The following DIP2A variants were observed in gnomAD, a reference collection of about 807,000 sequenced individuals.
The protein encoded by DIP2A is disco-interacting protein 2 homolog A.
In DIP2A, 85 loss-of-function variants were observed where a neutral mutation model predicts 177.4. The ratio of observed to expected loss-of-function variants is 0.48; its 90% confidence interval spans 0.40 to 0.57. The LOEUF is 0.57. DIP2A is among the 20% of genes least tolerant of loss of function. DIP2A has a pLI of 0.00. For missense variants in DIP2A, 1,791 were observed against 2,100.2 expected (o/e 0.85, Z 2.88); for synonymous variants, 886 against 881.8 (o/e 1.00, Z -0.08).
intron 1 of DIP2A, among the ~76,000 whole-genome samples, chr21:46,481,461 C>A (rs1601422127): frequency 6.6e-6 from 1 of 152,116 alleles, no homozygotes; most frequent in East Asian, 1.9e-4. Flanking sequence ...TTTTACTTCT[C>A]TAGGGTAGAT....
intron 1 of DIP2A, among the ~76,000 whole-genome samples, chr21:46,465,217 A>G (rs532999387): frequency 4.6e-5 from 7 of 151,794 alleles, no homozygotes; most frequent in Non-Finnish European, 8.8e-5. Context: ...ATTTGTTTTC[A>G]CTTATTCAGT....
At chr21:46,507,544 CTGGGCTCTGGGCTCTGTGT>C (rs1161088518) in intron 6 of DIP2A, among the ~76,000 whole-genome samples, 1 of 151,982 alleles carries the variant, frequency 6.6e-6, no homozygotes, top group Non-Finnish European at 1.5e-5. Flanking sequence ...GGGTCTATTT[CTGGGCTCTGGGCTCTGTGT>C]GTTGTTCCGT....
chr21:46,496,945 C>CA (rs777976003), intron 3 of DIP2A, 43 bp from the exon 4 acceptor site: 2 of 1,545,078 alleles, frequency 1.3e-6, no homozygotes. Context: ...ACTTTATAAA[C>CA]AGTCTTGTAA....
intron 18 of DIP2A, among the ~76,000 whole-genome samples, chr21:46,543,550 G>GGCATGCACGCA (rs1555907307): frequency 1.1e-4 from 17 of 149,376 alleles, no homozygotes; most frequent in South Asian, 6.4e-4. Context: ...CGCTCCCCCA[G>GGCATGCACGCA]GCACTCCCCC....
chr21:46,475,560 T>C (rs1335126230), intron 1 of DIP2A, among the ~76,000 whole-genome samples: 1 of 152,278 alleles, frequency 6.6e-6, no homozygotes, highest in Non-Finnish European at 1.5e-5. Flanking sequence ...TGAAAGTCTT[T>C]TAAGAGTTAG....
At chr21:46,527,175 C>T (rs1454621980) in intron 8 of DIP2A, among the ~76,000 whole-genome samples, 2 of 151,796 alleles carry the variant, frequency 1.3e-5, no homozygotes, top group Admixed American at 1.3e-4. Flanking sequence ...TCTGTTGAAC[C>T]TCTTTGCATT....
chr21:46,556,802 C>CA lies in DIP2A; in HGVS notation c.3499-137_3499-136insA, dbSNP rs2060485098. 2.6e-6 allele frequency: 2 copies of CA among 774,970 alleles called. No individual in the cohort carries two copies. 48.0% of individuals were successfully genotyped at this position (774,970 alleles called of 1,614,324 possible). A position where few individuals can be genotyped will look rare whatever the true frequency, so the allele number is the denominator to read the frequency against. On this transcript the variant is annotated intron_variant, in intron 29 of 37. Transcript: ENST00000417564. The surrounding 1 kb of genome is among the most constrained non-coding windows in gnomAD (Gnocchi z 4.5). The stretch of plus-strand genomic sequence containing the variant: ...TTATATGGGGATTTGAGCCAACCGT[C>CA]TTTTAAGGAAATAAATATGATGTTT...
At chr21:46,504,702 G>A (rs1467317821) in intron 6 of DIP2A, among the ~76,000 whole-genome samples, 2 of 152,226 alleles carry the variant, frequency 1.3e-5, no homozygotes, top group African/African-American at 4.8e-5. Context: ...TGGTCAGAGG[G>A]GAAACGAGGA....
chr21:46,475,387 T>C (rs893098676), intron 1 of DIP2A, among the ~76,000 whole-genome samples: 2 of 152,260 alleles, frequency 1.3e-5, no homozygotes, highest in African/African-American at 2.4e-5. Flanking sequence ...GACATTGTTA[T>C]CTACCTGTAT....
At position 46,527,394 on chromosome 21, in the gene DIP2A, C is replaced by G. The variant is rs574110050; in HGVS notation, c.1103-1698C>G. On this transcript the variant is annotated intron_variant, in intron 8 of 37. Coordinates refer to ENST00000417564, the MANE Select transcript of DIP2A (RefSeq NM_015151.4). ...AGGCTAGAGGACAGTGGCACAGTCT[C>G]GTCTCACTGCAACCTCTGCCTCCTG... Among the ~76,000 whole-genome samples, 24 of 137,230 alleles carry G rather than the reference C, an allele frequency of 1.7e-4. No homozygotes were observed. The East Asian group carries it at 2.7e-3, about 15-fold the overall frequency. The allele number at this position is 137,230 out of a possible 152,430, so 90.0% of individuals were successfully genotyped here. A position where few individuals can be genotyped will look rare whatever the true frequency, so the allele number is the denominator to read the frequency against.
the DIP2A span, among the ~76,000 whole-genome samples, chr21:46,581,134 G>A: frequency 6.6e-6 from 1 of 152,054 alleles, no homozygotes; most frequent in South Asian, 2.1e-4. Flanking sequence ...CAGAAGTTTT[G>A]TTCATTCCTT....
chr21:46,573,249 A>C (rs574553082), downstream of DIP2A, among the ~76,000 whole-genome samples: 1 of 152,274 alleles, frequency 6.6e-6, no homozygotes, highest in Non-Finnish European at 1.5e-5. Context: ...TTATCTGTAA[A>C]TAGATTAAAT....
intron 5 of DIP2A, among the ~76,000 whole-genome samples, chr21:46,501,633 G>A (rs2057656554): frequency 6.7e-6 from 1 of 149,688 alleles, no homozygotes; most frequent in Admixed American, 6.6e-5. Context: ...GTGTTGCCCA[G>A]ACTGGGCTTG....
chr21:46,503,199 T>G (rs940290516), intron 5 of DIP2A, among the ~76,000 whole-genome samples: 1 of 151,988 alleles, frequency 6.6e-6, no homozygotes, highest in Non-Finnish European at 1.5e-5. Context: ...GGCACATGCC[T>G]GTAATCCCAG....
chr21:46,509,495 C>G, intron 7 of DIP2A, 119 bp downstream of exon 7: 1 of 1,253,278 alleles, frequency 8.0e-7, no homozygotes, highest in Non-Finnish European at 1.0e-6. Context: ...TGTTTCCAGA[C>G]TCAGTGGTCA....
At chr21:46,545,828 G>T (rs1569083061) in intron 19 of DIP2A, 53 bp from the exon 20 acceptor site, 1 of 1,591,612 alleles carries the variant, frequency 6.3e-7, no homozygotes. Flanking sequence ...GGTCTTTTTG[G>T]CCAGTTGGTT....
chr21:46,498,015 A>AT lies in DIP2A; in HGVS notation c.404-563dup, dbSNP rs1371990148. On this transcript the variant is annotated intron_variant, in intron 4 of 37. Transcript: ENST00000417564. This position sits in a 1 kb window ranked among gnomAD's most constrained non-coding sequence, Gnocchi z 4.3. ...ACAGTTAATTTTGTTGTCTGAAGCA[A>AT]TTTTCTCGGAGAAGGAATTGTTTTT... Among the ~76,000 whole-genome samples the AT allele has an allele frequency of 6.6e-6, 1 of 152,172 alleles. No homozygotes were observed. Among genetic ancestry groups the AT allele is most frequent in the Admixed American group, 6.5e-5 (1 of 15,274 alleles).
At chr21:46,550,771 T>C in intron 23 of DIP2A, 27 bp downstream of exon 23, 1 of 1,610,456 alleles carries the variant, frequency 6.2e-7, no homozygotes, top group Non-Finnish European at 8.5e-7. Flanking sequence ...AACAGGATGC[T>C]CTCTAGTCTA....
intron 8 of DIP2A, among the ~76,000 whole-genome samples, chr21:46,522,609 G>A (rs924549082): frequency 1.3e-5 from 2 of 152,196 alleles, no homozygotes; most frequent in Admixed American, 6.5e-5. Flanking sequence ...CATGCAGAGA[G>A]GTGTGTATTC....
Sources: gnomAD v4.1 joint callset for allele counts (sites outside exome capture counted in the v4.1 genomes callset) on GRCh38, gnomAD v4.1.1 for gene constraint, Gnocchi (gnomAD v3.1) non-coding constraint, MANE v1.5 for transcripts, NCBI Gene and HGNC (gene_info 2026-07-23, HGNC 2026-07-21) for gene names.